Variants in ATXN1 observed in about 807,000 individuals in gnomAD.
ATXN1 encodes ataxin 1.
ATXN1 carries 8 observed loss-of-function variants against 56.4 expected under a neutral mutation model. The observed-to-expected ratio is 0.14, with a 90% confidence interval of 0.08 to 0.26. ATXN1 has a LOEUF of 0.26. Ranked by LOEUF, ATXN1 falls within the 10% of genes least tolerant of loss-of-function variation. The pLI is 1.00. For synonymous variants in ATXN1, 514 were observed against 494.6 expected (o/e 1.04, Z -0.52); for missense variants, 987 against 1,106.5 (o/e 0.89, Z 1.53).
chr6:16,661,232 C>G (rs1038443824), intron 2 of ATXN1, among the ~76,000 whole-genome samples: 22 of 151,854 alleles, frequency 1.4e-4, no homozygotes, highest in Admixed American at 2.0e-4. Flanking sequence ...AAAATAAATT[C>G]TAGATATATA....
intron 2 of ATXN1, among the ~76,000 whole-genome samples, chr6:16,684,998 A>G (rs1255134921): frequency 6.6e-6 from 1 of 151,808 alleles, no homozygotes; most frequent in Non-Finnish European, 1.5e-5. Flanking sequence ...ATGAACTAAC[A>G]TATTTGTTAA....
intron 3 of ATXN1, among the ~76,000 whole-genome samples, chr6:16,601,787 A>G (rs1187185264): frequency 1.3e-5 from 2 of 152,200 alleles, no homozygotes; most frequent in Non-Finnish European, 2.9e-5. Context: ...CAGGAGGCGG[A>G]GCTTGCAGTG....
intron 1 of ATXN1, chr6:16,761,065 TACAC>T (rs3831007): frequency 0.037 from 11,763 of 315,282 alleles, 549 homozygotes; most frequent in African/African-American, 0.17. Context: ...TGTACACACA[TACAC>T]ACACACACAC....
intron 6 of ATXN1, among the ~76,000 whole-genome samples, chr6:16,340,761 G>A (rs1261745432): frequency 2.0e-5 from 3 of 152,176 alleles, no homozygotes; most frequent in Non-Finnish European, 2.9e-5. Context: ...ATCCATCAGC[G>A]TTCAGTGATA....
intron 2 of ATXN1, among the ~76,000 whole-genome samples, chr6:16,690,313 T>A (rs1266597149): frequency 6.6e-6 from 1 of 151,850 alleles, no homozygotes; most frequent in Non-Finnish European, 1.5e-5. Context: ...AGCTCTCCAC[T>A]CTATCAGCAA....
intron 6 of ATXN1, among the ~76,000 whole-genome samples, chr6:16,443,923 T>G (rs957458850): frequency 1.3e-5 from 2 of 152,136 alleles, no homozygotes; most frequent in Admixed American, 6.5e-5. Flanking sequence ...GAGACCATCC[T>G]GGCTAACACA....
intron 2 of ATXN1, among the ~76,000 whole-genome samples, chr6:16,668,006 T>C (rs1442452910): frequency 6.6e-6 from 1 of 152,226 alleles, no homozygotes; most frequent in Non-Finnish European, 1.5e-5. Flanking sequence ...CCCTGTAATG[T>C]TGCCTCATTT....
intron 5 of ATXN1, among the ~76,000 whole-genome samples, chr6:16,514,590 G>C (rs562964677): frequency 3.7e-4 from 56 of 152,234 alleles, no homozygotes; most frequent in African/African-American, 1.3e-3. Flanking sequence ...CCTAAACCTT[G>C]GGGAGGGAGG....
chr6:16,553,803 G>C (rs1470915146), intron 4 of ATXN1, among the ~76,000 whole-genome samples: 1 of 152,158 alleles, frequency 6.6e-6, no homozygotes, highest in Admixed American at 6.5e-5. Context: ...GCCCCTAAAT[G>C]AGACTGTGAG....
chr6:16,654,541 TAAAA>T (rs1212773515), intron 3 of ATXN1, among the ~76,000 whole-genome samples: 2 of 122,542 alleles, frequency 1.6e-5, no homozygotes, highest in East Asian at 4.7e-4. Context: ...GACTCTGCCT[TAAAA>T]AAAAAAAAAA....
intron 2 of ATXN1, among the ~76,000 whole-genome samples, chr6:16,674,336 CTTTTTT>C (rs869081370): frequency 3.8e-5 from 3 of 78,112 alleles, no homozygotes; most frequent in African/African-American, 1.6e-4. Flanking sequence ...AGAGAACTTT[CTTTTTT>C]TTTTTTTTTT....
chr6:16,349,713 T>A (rs1431468727), intron 6 of ATXN1, among the ~76,000 whole-genome samples: 1 of 152,180 alleles, frequency 6.6e-6, no homozygotes, highest in Non-Finnish European at 1.5e-5. Flanking sequence ...TTGTCTTCTT[T>A]TAGAAAATAC....
chr6:16,677,455 A>G (rs1440645376), intron 2 of ATXN1, among the ~76,000 whole-genome samples: 3 of 152,218 alleles, frequency 2.0e-5, no homozygotes, highest in African/African-American at 7.2e-5. Flanking sequence ...GCCATTGCTT[A>G]TTGAATTTTC....
At chr6:16,721,551 C>T (rs707849) in intron 2 of ATXN1, among the ~76,000 whole-genome samples, 3,745 of 152,138 alleles carry the variant, frequency 0.025, 140 homozygotes, top group African/African-American at 0.085. Flanking sequence ...TGCTTGAGCC[C>T]GGGTATTTGA....
At position 16,760,188 on chromosome 6, in the gene ATXN1, C is replaced by A. The variant is rs908089279; in HGVS notation, c.-730+1110G>T. Among the ~76,000 whole-genome samples, 2 of 151,934 alleles carry A rather than the reference C, an allele frequency of 1.3e-5. No homozygotes were observed. Among genetic ancestry groups the A allele is most frequent in the African/African-American group, 4.8e-5 (2 of 41,382 alleles). ...AGTCTCCGGCCCGGCCCAGAGTGAA[C>A]GAGCAGTGGGGCTCCAGGGCGCATC... On this transcript the variant is annotated intron_variant, in intron 1 of 7. Transcript: ENST00000436367. This position sits in a 1 kb window ranked among gnomAD's most constrained non-coding sequence, Gnocchi z 5.3.
intron 2 of ATXN1, among the ~76,000 whole-genome samples, chr6:16,724,922 TCA>T (rs1318174859): frequency 6.6e-6 from 1 of 152,138 alleles, no homozygotes; most frequent in Non-Finnish European, 1.5e-5. Flanking sequence ...TGGCCTGAGC[TCA>T]GTCACTATTA....
intron 6 of ATXN1, among the ~76,000 whole-genome samples, chr6:16,465,439 A>G (rs1447965633): frequency 1.3e-5 from 2 of 152,192 alleles, no homozygotes; most frequent in Non-Finnish European, 1.5e-5. Flanking sequence ...CCTGGGTGAC[A>G]AGAGTGAAAT....
At chr6:16,680,257 T>A (rs1343830508) in intron 2 of ATXN1, among the ~76,000 whole-genome samples, 1 of 152,032 alleles carries the variant, frequency 6.6e-6, no homozygotes, top group African/African-American at 2.4e-5. Flanking sequence ...GGGTCAGGGG[T>A]AGACCCAGGC....
intron 3 of ATXN1, among the ~76,000 whole-genome samples, chr6:16,613,806 G>A (rs1016986138): frequency 7.9e-5 from 12 of 152,078 alleles, no homozygotes; most frequent in Non-Finnish European, 1.5e-5. Flanking sequence ...TCCAGCCTGG[G>A]CAACAGAGCA....
Sources: gnomAD v4.1 joint callset for allele counts (sites outside exome capture counted in the v4.1 genomes callset) on GRCh38, gnomAD v4.1.1 for gene constraint, Gnocchi (gnomAD v3.1) non-coding constraint, MANE v1.5 for transcripts, NCBI Gene and HGNC (gene_info 2026-07-23, HGNC 2026-07-21) for gene names.